ESR1: variants seen among roughly 807,000 people sequenced by gnomAD.
The protein encoded by ESR1 is estrogen receptor.
A neutral mutation model predicts 52.7 loss-of-function variants in ESR1; 12 were observed. The ratio of observed to expected loss-of-function variants is 0.23; its 90% confidence interval spans 0.15 to 0.37. ESR1 has a LOEUF of 0.37. Among genes scored for constraint, ESR1 ranks in the 10% least tolerant of loss-of-function variants. The pLI is 1.00. For missense variants in ESR1, 584 were observed against 779.7 expected (o/e 0.75, Z 2.99); for synonymous variants, 305 against 316.8 (o/e 0.96, Z 0.39).
chr6:151,977,835 G>A (rs1383380837), intron 4 of ESR1, among the ~76,000 whole-genome samples: 1 of 151,554 alleles, frequency 6.6e-6, no homozygotes, highest in Non-Finnish European at 1.5e-5. Flanking sequence ...CAGGGGACTG[G>A]GAAGAGGAAA....
intron 3 of ESR1, among the ~76,000 whole-genome samples, chr6:151,927,756 C>A (rs1479419704): frequency 6.6e-6 from 1 of 151,928 alleles, no homozygotes; most frequent in Non-Finnish European, 1.5e-5. Context: ...CTAACTCTGC[C>A]ACCCAGGCTG....
chr6:151,775,010 T>A (rs898669998), intron 2 of ESR1, among the ~76,000 whole-genome samples: 4 of 152,218 alleles, frequency 2.6e-5, no homozygotes, highest in African/African-American at 7.2e-5. Context: ...CTTGAGCCAG[T>A]GTTTAGTCCA....
At chr6:151,932,092 C>T (rs2128487965) in intron 3 of ESR1, among the ~76,000 whole-genome samples, 1 of 149,648 alleles carries the variant, frequency 6.7e-6, no homozygotes, top group African/African-American at 2.4e-5. Context: ...CTTCCTATTT[C>T]TCCACATCCT....
intron 1 of ESR1, among the ~76,000 whole-genome samples, chr6:151,660,167 A>G (rs1777591132): frequency 6.6e-6 from 1 of 152,228 alleles, no homozygotes; most frequent in Non-Finnish European, 1.5e-5. Context: ...TAAAATTCCT[A>G]ATAACTCCAC....
intron 4 of ESR1, among the ~76,000 whole-genome samples, chr6:151,980,830 A>G (rs545347737): frequency 6.6e-6 from 1 of 152,152 alleles, no homozygotes; most frequent in Non-Finnish European, 1.5e-5. Context: ...CAACCTCCCA[A>G]GCAGCTGGGA....
chr6:151,728,951 A>G (rs907466492), intron 2 of ESR1, among the ~76,000 whole-genome samples: 1 of 152,202 alleles, frequency 6.6e-6, no homozygotes. Flanking sequence ...TTTTTTTCAG[A>G]CACCAAAATG....
rs777798754 is a variant in ESR1 at position 151,809,229 on chromosome 6, G to T, written c.452+865G>T. On this transcript the variant is annotated intron_variant, in intron 1 of 7. Coordinates refer to ENST00000206249, the MANE Select transcript of ESR1 (RefSeq NM_000125.4). ...CAGCCACTGTGGAAGGAGCGCGGCC[G>T]GTCCAGGACACAGGAGACCACTTTG... The T allele has an allele frequency of 1.8e-5, 8 of 449,668 alleles. No homozygotes were observed. In the East Asian group the frequency reaches 2.3e-4, roughly 13 times the overall value. The allele number at this position is 449,668 out of a possible 1,614,324, so 27.9% of individuals were successfully genotyped here. A position where few individuals can be genotyped will look rare whatever the true frequency, so the allele number is the denominator to read the frequency against.
rs998842183 is a variant in ESR1 at position 151,662,454 on chromosome 6, A to T, written n.73+5691A>T. 3.9e-5 allele frequency among the ~76,000 whole-genome samples: 6 copies of T among 152,178 alleles called. 1 individual carries two copies. Among genetic ancestry groups the T allele is most frequent in the Admixed American group, 3.9e-4 (6 of 15,280 alleles). On this transcript the variant is annotated intron_variant and non_coding_transcript_variant, in intron 1 of 2. Transcript: ENST00000473497. ...AATAGAGGTTAAATAACATGCCCCC[A>T]ATCAGTAGTGGGGAAATGAAAGAAT...
chr6:151,891,418 G>A (rs1043762927), intron 3 of ESR1, among the ~76,000 whole-genome samples: 1 of 152,084 alleles, frequency 6.6e-6, no homozygotes, highest in African/African-American at 2.4e-5. Flanking sequence ...CAGAACTTTG[G>A]GGCAGTAATT....
chr6:151,731,736 A>C (rs567540988), intron 2 of ESR1, among the ~76,000 whole-genome samples: 1 of 152,170 alleles, frequency 6.6e-6, no homozygotes, highest in Non-Finnish European at 1.5e-5. Context: ...TTTGGTTTCT[A>C]ATAACCTTTA....
chr6:152,122,720 C>A (rs751164756), intron 6 of ESR1: 1 of 1,611,620 alleles, frequency 6.2e-7, no homozygotes, highest in South Asian at 1.1e-5. Context: ...ACTCCAGTGT[C>A]GGAGGGACGC....
At chr6:151,938,060 C>G (rs1562569148) in intron 3 of ESR1, among the ~76,000 whole-genome samples, 1 of 152,100 alleles carries the variant, frequency 6.6e-6, no homozygotes, top group African/African-American at 2.4e-5. Context: ...TTTAAAACCT[C>G]TTAGTGTATT....
At chr6:152,123,540 A>G (rs940469768) in intron 6 of ESR1, among the ~76,000 whole-genome samples, 1 of 152,230 alleles carries the variant, frequency 6.6e-6, no homozygotes, top group South Asian at 2.1e-4. Flanking sequence ...CCTGGAAAAT[A>G]CAGAATCTGG....
chr6:151,760,411 C>T (rs1784583734), intron 2 of ESR1, among the ~76,000 whole-genome samples: 2 of 152,202 alleles, frequency 1.3e-5, no homozygotes, highest in South Asian at 2.1e-4. Context: ...AATATCCCTC[C>T]TCTTAAAAAT....
chr6:151,828,510 A>G (rs1189362329), intron 1 of ESR1, among the ~76,000 whole-genome samples: 1 of 152,220 alleles, frequency 6.6e-6, no homozygotes, highest in African/African-American at 2.4e-5. Flanking sequence ...AAGGATAAGC[A>G]CAGGCATGGC....
At chr6:152,081,372 A>T (rs2049197918) in intron 6 of ESR1, among the ~76,000 whole-genome samples, 1 of 152,102 alleles carries the variant, frequency 6.6e-6, no homozygotes, top group African/African-American at 2.4e-5. Context: ...CTCCTGAATG[A>T]CTACTGGGTA....
intron 3 of ESR1, among the ~76,000 whole-genome samples, chr6:151,930,003 GA>G (rs2033351279): frequency 6.9e-6 from 1 of 145,698 alleles, no homozygotes; most frequent in Non-Finnish European, 1.5e-5. Context: ...TTTTTTTTGA[GA>G]CAGAGTTTTC....
chr6:151,826,501 T>C (rs976213957), intron 1 of ESR1, among the ~76,000 whole-genome samples: 3 of 152,244 alleles, frequency 2.0e-5, no homozygotes, highest in Non-Finnish European at 4.4e-5. Context: ...GCAGCTTTCC[T>C]ACTGGATACT....
chr6:151,862,896 C>T (rs373582999), intron 2 of ESR1, among the ~76,000 whole-genome samples: 1 of 151,994 alleles, frequency 6.6e-6, no homozygotes. Context: ...TTGTAGATGC[C>T]AGGCTGGTGT....
Sources: gnomAD v4.1 joint callset for allele counts (sites outside exome capture counted in the v4.1 genomes callset) on GRCh38, gnomAD v4.1.1 for gene constraint, MANE v1.5 for transcripts, NCBI Gene and HGNC (gene_info 2026-07-23, HGNC 2026-07-21) for gene names.